Variants in TSNARE1 observed in about 807,000 individuals in gnomAD.
TSNARE1 encodes t-SNARE domain-containing protein 1.
Under a neutral mutation model 62.0 loss-of-function variants are expected in TSNARE1, and 49 were observed. The ratio of observed to expected loss-of-function variants is 0.79; its 90% CI spans 0.63 to 1.00. The LOEUF is 1.00. TSNARE1 is among the 50% of genes least tolerant of loss of function. The pLI, the probability that TSNARE1 is intolerant of heterozygous loss-of-function variation, is 0.00. For missense variants in TSNARE1, 755 were observed against 700.1 expected (o/e 1.08, Z -0.88); for synonymous variants, 328 against 294.4 (o/e 1.11, Z -1.17).
At chr8:142,272,260 C>T (rs1157987760) in intron 12 of TSNARE1, among the ~76,000 whole-genome samples, 4 of 151,892 alleles carry the variant, frequency 2.6e-5, no homozygotes, top group Non-Finnish European at 5.9e-5. Context: ...ACCTGCCCGT[C>T]TACACCTTCC....
At chr8:142,375,307 G>A (rs1043742682) in intron 1 of TSNARE1, among the ~76,000 whole-genome samples, 2 of 152,278 alleles carry the variant, frequency 1.3e-5, no homozygotes, top group African/African-American at 2.4e-5. Flanking sequence ...GGCCTGGCCT[G>A]TGCTGGACAG....
In TSNARE1 at chr8:142,344,101, T is replaced by C; in HGVS notation, c.610A>G (p.Lys204Glu). The C allele has an allele frequency of 6.2e-7, 1 of 1,610,750 alleles. No individual in the cohort carries two copies. The highest frequency in any genetic ancestry group is 8.5e-7 in the Non-Finnish European group (1 of 1,178,424). ...VVRRKLGDLR[K>E]AAHGPSPGSG... Reference sequence around the variant, plus strand: ...CCAGGGCTGGGGCCATGGGCCGCCTTCCGGAGGTCGCCCAGCTTGCGCCGC... The same window carrying C: ...CCAGGGCTGGGGCCATGGGCCGCCTCCCGGAGGTCGCCCAGCTTGCGCCGC... Residue 204 changes from lysine to glutamate, a missense_variant, in exon 4 of 14, where the codon AAG (lysine) becomes GAG (glutamate). By Grantham distance (56) the Lys-to-Glu change is moderately conservative. Coordinates refer to ENST00000524325, the MANE Select transcript of TSNARE1 (RefSeq NM_145003.5).
intron 1 of TSNARE1, among the ~76,000 whole-genome samples, chr8:142,380,930 C>G (rs1836695844): frequency 6.6e-6 from 1 of 152,166 alleles, no homozygotes; most frequent in African/African-American, 2.4e-5. Flanking sequence ...GCCCTTCTCT[C>G]CTCGCCCTCA....
In TSNARE1 at chr8:142,330,306, C is replaced by A. The variant is rs148016169; in HGVS notation, c.893+595G>T. ...CCCTTCCCCCCGCTCCCCAGCCCAGCCAGGGCTCAGACTTAGCAGACAGCA... is the reference window on the plus strand; with the variant it reads ...CCCTTCCCCCCGCTCCCCAGCCCAGACAGGGCTCAGACTTAGCAGACAGCA... On this transcript the variant is annotated intron_variant, in intron 6 of 13. Transcript: ENST00000524325. Among the ~76,000 whole-genome samples, 607 of 152,300 alleles carry A rather than the reference C, an allele frequency of 4.0e-3. 4 individuals are homozygous for A. The highest frequency in any genetic ancestry group is 0.014 in the African/African-American group (575 of 41,572).
At chr8:142,335,177 T>G (rs1563936408) in intron 4 of TSNARE1, among the ~76,000 whole-genome samples, 1 of 151,870 alleles carries the variant, frequency 6.6e-6, no homozygotes, top group Non-Finnish European at 1.5e-5. Flanking sequence ...ACATGTGATC[T>G]TCAATGTACT....
chr8:142,229,404 G>T, intron 13 of TSNARE1, 69 bp downstream of exon 13: 1 of 1,240,000 alleles, frequency 8.1e-7, no homozygotes, highest in Non-Finnish European at 1.2e-6. Flanking sequence ...GATGGATGGT[G>T]GATAGGTGAA....
chr8:142,280,823 G>A (rs921721272), intron 11 of TSNARE1, among the ~76,000 whole-genome samples: 1 of 152,146 alleles, frequency 6.6e-6, no homozygotes, highest in African/African-American at 2.4e-5. Flanking sequence ...GATAGGAGGG[G>A]TCCTGGGGAG....
chr8:142,348,230 C>T (rs1459249758), intron 2 of TSNARE1, among the ~76,000 whole-genome samples: 1 of 152,188 alleles, frequency 6.6e-6, no homozygotes, highest in Non-Finnish European at 1.5e-5. Context: ...GCACCACATT[C>T]GCCACAAATC....
At position 142,234,090 on chromosome 8, in the gene TSNARE1, G is replaced by A. The variant is rs557714116; in HGVS notation, c.1447-4511C>T. On this transcript the variant is annotated intron_variant, in intron 12 of 13. Transcript: ENST00000524325. The stretch of plus-strand genomic sequence containing the variant: ...ACAAGTGACCCCAATCATGGAGGCC[G>A]GGGAAGGCTCCAAGATGGCTCCATG... Among the ~76,000 whole-genome samples, 15 of 152,342 alleles carry A rather than the reference G, an allele frequency of 9.8e-5. No individual in the cohort carries two copies. In the East Asian group the frequency reaches 1.5e-3, roughly 16 times the overall value.
chr8:142,219,565 A>G (rs947875819), intron 13 of TSNARE1, among the ~76,000 whole-genome samples: 3 of 152,188 alleles, frequency 2.0e-5, no homozygotes, highest in South Asian at 2.1e-4. Flanking sequence ...GGCCACAGGG[A>G]TGAGGTCTCC....
At chr8:142,289,753 G>A (rs918590777) in intron 10 of TSNARE1, among the ~76,000 whole-genome samples, 1 of 152,246 alleles carries the variant, frequency 6.6e-6, no homozygotes, top group African/African-American at 2.4e-5. Context: ...CATCATGGGA[G>A]GCCGCCGGGA....
At chr8:142,293,217 C>T (rs768907932) in intron 10 of TSNARE1, among the ~76,000 whole-genome samples, 10 of 152,242 alleles carry the variant, frequency 6.6e-5, no homozygotes, top group African/African-American at 1.2e-4. Flanking sequence ...AACCCCTTAG[C>T]GTACAGTGAG....
At chr8:142,338,541 G>GACCACTGGGCAAGCTGACAGGCTGCCTC (rs1563942602) in intron 4 of TSNARE1, among the ~76,000 whole-genome samples, 6 of 141,092 alleles carry the variant, frequency 4.3e-5, no homozygotes, top group African/African-American at 1.6e-4. Context: ...CAGGCTGCCT[G>GACCACTGGGCAAGCTGACAGGCTGCCTC]GACCACTGGG....
chr8:142,216,881 C>T (rs192273149), intron 13 of TSNARE1, among the ~76,000 whole-genome samples: 29 of 152,264 alleles, frequency 1.9e-4, no homozygotes, highest in African/African-American at 5.5e-4. Context: ...GCAGGGGAAC[C>T]GGGGTTTCAG....
intron 9 of TSNARE1, among the ~76,000 whole-genome samples, chr8:142,305,342 G>C (rs1425258615): frequency 6.6e-6 from 1 of 151,656 alleles, no homozygotes; most frequent in Non-Finnish European, 1.5e-5. Flanking sequence ...ATAGGGGAGG[G>C]CGCAGGGGTG....
chr8:142,234,739 C>T (rs1817317622), intron 12 of TSNARE1, among the ~76,000 whole-genome samples: 1 of 152,250 alleles, frequency 6.6e-6, no homozygotes. Context: ...GCTCCCTCAT[C>T]CCATTAACAT....
chr8:142,393,425 C>T (rs1837684358), intron 1 of TSNARE1, among the ~76,000 whole-genome samples: 1 of 152,252 alleles, frequency 6.6e-6, no homozygotes, highest in Admixed American at 6.5e-5. Flanking sequence ...ATGGCGGCCG[C>T]GTCGGCCAAT....
At position 142,271,557 on chromosome 8, in the gene TSNARE1, C is replaced by T. The variant is rs1819549115; in HGVS notation, c.1446+3224G>A. 4.3e-6 allele frequency: 6 copies of T among 1,389,646 alleles called. No homozygotes were observed. In the East Asian group the frequency reaches 9.0e-5, roughly 21 times the overall value. 86.1% of individuals were successfully genotyped at this position (1,389,646 alleles called of 1,614,324 possible). On this transcript the variant is annotated intron_variant, in intron 12 of 13. Coordinates refer to ENST00000524325, the MANE Select transcript of TSNARE1 (RefSeq NM_145003.5). ...GCTGGTGGGGTGGAGGCTGGGGAAG[C>T]AGGTGGGGAGGGTGAGGAGGTGGGT...
Position 142,274,789 on chromosome 8 carries a change from G to A in TSNARE1, c.1438C>T (p.Arg480Trp), listed in dbSNP as rs546251254. ...AARQLLAGAS[R>W]HQLQRHKIKC... ...CCCTCACACGGACTTACTTGGTGCC[G>A]GCTGGCTCCAGCCAGGAGCTGGCGG... Residue 480 changes from arginine to tryptophan, a missense_variant, in exon 12 of 14, where the codon CGG becomes TGG. Transcript: ENST00000524325. 2.6e-5 allele frequency: 41 copies of A among 1,572,084 alleles called. No homozygotes were observed. The highest frequency in any genetic ancestry group is 3.5e-5 in the South Asian group (3 of 85,458).
Sources: gnomAD v4.1 joint callset for allele counts (sites outside exome capture counted in the v4.1 genomes callset) on GRCh38, gnomAD v4.1.1 for gene constraint, MANE v1.5 for transcripts, NCBI Gene and HGNC (gene_info 2026-07-23, HGNC 2026-07-21) for gene names.